LRAT: variants seen among roughly 807,000 people sequenced by gnomAD.
The protein encoded by LRAT is lecithin retinol acyltransferase.
LRAT carries 11 observed loss-of-function variants against 14.2 expected under a neutral mutation model. The observed-to-expected ratio is 0.78, with a 90% confidence interval of 0.49 to 1.29. The LOEUF (loss-of-function observed/expected upper bound fraction) is 1.29, where lower values mean the gene tolerates loss of function less well. Among genes scored for constraint, LRAT ranks in the 50% most tolerant of loss-of-function variants. The pLI is 0.00. For synonymous variants in LRAT, 144 were observed against 124.8 expected, an observed-to-expected ratio of 1.15 and a Z score of -1.03; for missense variants, 274 against 292.4, an observed-to-expected ratio of 0.94 and a Z score of 0.46.
intron 2 of LRAT, chr4:154,745,383 TAAGTA>T (rs1732868083): frequency 6.2e-6 from 1 of 162,300 alleles, no homozygotes. Context: ...TAAGGTAGGC[TAAGTA>T]AATAAGCAAA....
At chr4:154,745,999 AT>A (rs1335232596) in intron 2 of LRAT, among the ~76,000 whole-genome samples, 1 of 152,182 alleles carries the variant, frequency 6.6e-6, no homozygotes, top group African/African-American at 2.4e-5. Context: ...TTTTATGAGT[AT>A]TTTGAAAAAA....
chr4:154,743,847 G>T, upstream of LRAT: 1 of 125,744 alleles, frequency 8.0e-6, no homozygotes, highest in Non-Finnish European at 1.7e-5. Context: ...GAGTCGGCCC[G>T]CCCCCCTCCC....
chr4:154,744,034 C>T lies in LRAT; in HGVS notation c.-190C>T, dbSNP rs1157506228. On this transcript the variant is annotated 5_prime_UTR_variant, in exon 1 of 3. Transcript: ENST00000336356. ...GCGCGGCCCTGCCCCCGGCACGGCC[C>T]CCAGGTGCGCTCCTTCTCCGGCTGC... is the stretch of plus-strand genomic sequence containing the variant. 6.4e-6 allele frequency: 3 copies of T among 472,256 alleles called. No individual in the cohort carries two copies. The highest frequency in any genetic ancestry group is 2.0e-5 in the African/African-American group (1 of 50,994). 29.3% of individuals were successfully genotyped at this position (472,256 alleles called of 1,614,324 possible).
chr4:154,749,085 C>T lies in LRAT; in HGVS notation c.642C>T (p.Tyr214=), dbSNP rs761831035. Residue 214 remains tyrosine, a synonymous_variant, in exon 3 of 3, where the codon TAC becomes TAT. Transcript: ENST00000336356. ...TAGTCTGTACGGGCTTGGTATCATA[C>T]ACTACCCTTCCTGCAATTTTTATTC... ...ASIVCTGLVS[Y]TTLPAIFIPF... is the part of the protein sequence containing the mutation. 4.3e-6 allele frequency: 7 copies of T among 1,613,724 alleles called. No individual in the cohort carries two copies. The highest frequency in any genetic ancestry group is 1.1e-5 in the South Asian group (1 of 91,084).
At position 154,744,751 on chromosome 4, in the gene LRAT, C is replaced by A. The variant is rs1289370310; in HGVS notation, c.425C>A (p.Ala142Glu). 2 of 1,614,142 alleles carry A rather than the reference C, an allele frequency of 1.2e-6. No homozygotes were observed. Among genetic ancestry groups the A allele is most frequent in the South Asian group, 2.2e-5 (2 of 91,074 alleles). The change falls in exon 2 of 3, where the codon GCG (alanine) becomes GAG (glutamate). Residue 142 changes from alanine (A) to glutamate (E), a missense_variant. Transcript: ENST00000336356. ...AAGGCACTGCTCAACGAGGAGGTGGCGCGGAGGGCTGAAAAGCTGCTGGGC... is the reference window on the plus strand; with the variant it reads ...AAGGCACTGCTCAACGAGGAGGTGGAGCGGAGGGCTGAAAAGCTGCTGGGC... ...QKKALLNEEV[A>E]RRAEKLLGFT...
rs1289138591 is a variant in LRAT at position 154,749,280 on chromosome 4, G to A, written c.*144G>A. 2.2e-6 allele frequency: 2 copies of A among 907,756 alleles called. No homozygotes were observed. The highest frequency in any genetic ancestry group is 2.5e-5 in the East Asian group (1 of 40,500). The allele number at this position is 907,756 out of a possible 1,614,324, so 56.2% of individuals were successfully genotyped here. On this transcript the variant is annotated 3_prime_UTR_variant, in exon 3 of 3. Coordinates refer to ENST00000336356, the MANE Select transcript of LRAT (RefSeq NM_004744.5). ...AAAATGTGATTAGGAATCACGCAAA[G>A]TGCTTACTGTGTAAGCCCAAGAACA...
chr4:154,742,032 A>G (rs1190253401), upstream of LRAT, among the ~76,000 whole-genome samples: 1 of 152,026 alleles, frequency 6.6e-6, no homozygotes, highest in East Asian at 2.0e-4. Flanking sequence ...GAACTGGCCC[A>G]GAGGAGCCAG....
In LRAT at chr4:154,749,028, T is replaced by A. The variant is rs774224873; in HGVS notation, c.585T>A (p.Val195=). 7 of 1,613,850 alleles carry A rather than the reference T, an allele frequency of 4.3e-6. No individual in the cohort carries two copies. The highest frequency in any genetic ancestry group is 5.9e-6 in the Non-Finnish European group (7 of 1,179,772). ...TAATTATTCGTGATCAGAGAAGTGT[T>A]CTTGCTTCAGCAGTCTTGGGATTGG... ...VKIIIRDQRS[V]LASAVLGLAS... is the part of the protein sequence containing the mutation. The change falls in exon 3 of 3, where the codon GTT becomes GTA. Residue 195 remains valine, a synonymous_variant. Transcript: ENST00000336356.
Position 154,744,508 on chromosome 4 carries a change from A to G in LRAT, c.182A>G (p.Tyr61Cys). ...LEVPRTHLTH[Y>C]GIYLGDNRVA... ...GTGCCCCGGACCCACCTGACCCACT[A>G]TGGCATCTACCTAGGAGACAACCGT... The change falls in exon 2 of 3, where the codon TAT becomes TGT. Residue 61 changes from tyrosine to cysteine, a missense_variant. Coordinates refer to ENST00000336356, the MANE Select transcript of LRAT (RefSeq NM_004744.5). The G allele has an allele frequency of 1.2e-6, 2 of 1,613,980 alleles. No individual in the cohort carries two copies. The highest frequency in any genetic ancestry group is 2.2e-5 in the South Asian group (2 of 91,072).
At position 154,749,274 on chromosome 4, in the gene LRAT, CGCAAAGT is replaced by C. The variant is rs1732943469; in HGVS notation, c.*141_*147del. The C allele has an allele frequency of 2.1e-6, 2 of 975,030 alleles. No individual in the cohort carries two copies. The highest frequency in any genetic ancestry group is 3.2e-5 in the African/African-American group (2 of 62,298). The allele number at this position is 975,030 out of a possible 1,614,324, so 60.4% of individuals were successfully genotyped here. ...TGGATAAAAATGTGATTAGGAATCA[CGCAAAGT>C]GCTTACTGTGTAAGCCCAAGAACAA... On this transcript the variant is annotated 3_prime_UTR_variant, in exon 3 of 3. Coordinates refer to ENST00000336356, the MANE Select transcript of LRAT (RefSeq NM_004744.5).
chr4:154,744,442 T>C lies in LRAT; in HGVS notation c.116T>C (p.Phe39Ser), dbSNP rs1425540153. Residue 39 changes from phenylalanine (F) to serine (S), a missense_variant, in exon 2 of 3, where the codon TTT becomes TCT. Transcript: ENST00000336356. The stretch of plus-strand genomic sequence containing the variant: ...GGCGAAGACAAAGGGAGGAACAGTT[T>C]TTATGAAACCAGCTCTTTCCACCGA... ...AAGEDKGRNS[F>S]YETSSFHRGD... 6.2e-7 allele frequency: 1 copy of C among 1,613,968 alleles called. No individual in the cohort carries two copies. The highest frequency in any genetic ancestry group is 1.3e-5 in the African/African-American group (1 of 74,936).
chr4:154,744,008 C>CGCGCGGCCCTGCCCCCG lies in LRAT; in HGVS notation c.-213_-197dup, dbSNP rs1212790042. The CGCGCGGCCCTGCCCCCG allele has an allele frequency of 1.1e-4, 42 of 390,674 alleles. No homozygotes were observed. The highest frequency in any genetic ancestry group is 8.3e-4 in the African/African-American group (41 of 49,128). 24.2% of individuals were successfully genotyped at this position (390,674 alleles called of 1,614,324 possible). On this transcript the variant is annotated 5_prime_UTR_variant, in exon 1 of 3. Coordinates refer to ENST00000336356, the MANE Select transcript of LRAT (RefSeq NM_004744.5). ...GCGAAGCCTGCACCTCCGAGCACCG[C>CGCGCGGCCCTGCCCCCG]GCGCGGCCCTGCCCCCGGCACGGCC...
In LRAT at chr4:154,744,752, G is replaced by A. The variant is rs1732846802; in HGVS notation, c.426G>A (p.Ala142=). The part of the protein sequence containing the change: ...QKKALLNEEV[A]RRAEKLLGFT... ...AGGCACTGCTCAACGAGGAGGTGGC[G>A]CGGAGGGCTGAAAAGCTGCTGGGCT... The change falls in exon 2 of 3, where the codon GCG becomes GCA. Residue 142 remains alanine, a synonymous_variant. Transcript: ENST00000336356. 1 of 1,614,048 alleles carries A rather than the reference G, an allele frequency of 6.2e-7. No homozygotes were observed. Among genetic ancestry groups the A allele is most frequent in the Non-Finnish European group, 8.5e-7 (1 of 1,180,042 alleles).
At position 154,744,780 on chromosome 4, in the gene LRAT, AC is replaced by A. The variant is rs765063151; in HGVS notation, c.459del (p.Tyr154ThrfsTer12). ...ARRAEKLLGF[T>X]PYSLLWNNCE... ...GAGGGCTGAAAAGCTGCTGGGCTTT[AC>A]CCCCTACAGCCTGCTGTGGAACAAC... On this transcript the variant is annotated frameshift_variant, in exon 2 of 3. Coordinates refer to ENST00000336356, the MANE Select transcript of LRAT (RefSeq NM_004744.5). LOFTEE classifies it high-confidence loss of function. 6.2e-7 allele frequency: 1 copy of A among 1,613,834 alleles called. No homozygotes were observed. The highest frequency in any genetic ancestry group is 8.5e-7 in the Non-Finnish European group (1 of 1,179,996).
intron 2 of LRAT, chr4:154,745,257 G>C (rs763027630): frequency 4.9e-6 from 1 of 203,800 alleles, no homozygotes; most frequent in Non-Finnish European, 1.0e-5. Context: ...TCCTGACCTC[G>C]TGATCCTCCC....
upstream of LRAT, among the ~76,000 whole-genome samples, chr4:154,741,768 T>C (rs1732771798): frequency 6.6e-6 from 1 of 152,162 alleles, no homozygotes; most frequent in South Asian, 2.1e-4. Flanking sequence ...CTTTCATGTA[T>C]ATAAAATGTA....
intron 2 of LRAT, chr4:154,748,204 A>G: frequency 2.0e-6 from 2 of 984,722 alleles, no homozygotes; most frequent in Non-Finnish European, 2.4e-6. Flanking sequence ...AGAAGAATAC[A>G]GAGGACTTGT....
Position 154,749,016 on chromosome 4 carries a change from T to A in LRAT, c.573T>A (p.Asp191Glu). 2.5e-6 allele frequency: 4 copies of A among 1,613,848 alleles called. No individual in the cohort carries two copies. The highest frequency in any genetic ancestry group is 3.4e-6 in the Non-Finnish European group (4 of 1,179,762). ...FCETVKIIIR[D>E]QRSVLASAVL... ...AGACTGTGAAGATAATTATTCGTGA[T>A]CAGAGAAGTGTTCTTGCTTCAGCAG... Residue 191 changes from aspartate (D) to glutamate (E), a missense_variant, in exon 3 of 3, where the codon GAT becomes GAA. Physicochemically the swap from Asp to Glu is conservative, Grantham distance 45. Transcript: ENST00000336356.
upstream of LRAT, among the ~76,000 whole-genome samples, chr4:154,742,061 G>T (rs1322150812): frequency 6.6e-6 from 1 of 152,068 alleles, no homozygotes; most frequent in Non-Finnish European, 1.5e-5. Context: ...GTGAGGTCGG[G>T]TCTGCATTGA....
Sources: gnomAD v4.1 joint callset for allele counts (sites outside exome capture counted in the v4.1 genomes callset) on GRCh38, gnomAD v4.1.1 for gene constraint, MANE v1.5 for transcripts, NCBI Gene and HGNC (gene_info 2026-07-23, HGNC 2026-07-21) for gene names.